The following FGR variants were observed in gnomAD, a reference collection of about 807,000 sequenced individuals.
The protein encoded by FGR is FGR proto-oncogene, Src family tyrosine kinase, also known as tyrosine-protein kinase Fgr.
FGR carries 26 observed loss-of-function variants against 63.2 expected under a neutral mutation model. That is an observed-to-expected ratio of 0.41 (90% CI 0.30 to 0.57). The LOEUF is 0.57. FGR is among the 20% of genes least tolerant of loss of function. The pLI is 0.27. For missense variants in FGR, 511 were observed against 690.8 expected (o/e 0.74, Z 2.92); for synonymous variants, 286 against 277.7 (o/e 1.03, Z -0.30).
intron 1 of FGR, among the ~76,000 whole-genome samples, chr1:27,633,112 T>A (rs1182814886): frequency 1.3e-5 from 2 of 151,826 alleles, no homozygotes; most frequent in Non-Finnish European, 2.9e-5. Flanking sequence ...GAGCACCTAC[T>A]CACTGGAACA....
In FGR at chr1:27,613,012, C is replaced by T. The variant is rs765797580; in HGVS notation, c.1492G>A (p.Asp498Asn). Residue 498 changes from aspartate (D) to asparagine (N), a missense_variant, in exon 13 of 13, where the codon GAC (aspartate) becomes AAC (asparagine). Coordinates refer to ENST00000374005, the MANE Select transcript of FGR (RefSeq NM_005248.3). ...TCGAAGGTAGGCCTCTCCTCCGGGT[C>T]CAGACGCCAGGTCTGTTCCATGGCC... ...YEAMEQTWRL[D>N]PEERPTFEYL... The T allele has an allele frequency of 6.2e-7, 1 of 1,614,226 alleles. No homozygotes were observed. The highest frequency in any genetic ancestry group is 1.7e-5 in the Admixed American group (1 of 60,028).
intron 1 of FGR, among the ~76,000 whole-genome samples, chr1:27,628,516 TACAC>T (rs56021900): frequency 0.11 from 9,881 of 91,098 alleles, 481 homozygotes; most frequent in Non-Finnish European, 0.12. Context: ...CATGTAGGGA[TACAC>T]ACACACACAC....
chr1:27,627,447 AACACACACACACAC>A (rs3076985), intron 1 of FGR, among the ~76,000 whole-genome samples: 1 of 148,394 alleles, frequency 6.7e-6, no homozygotes, highest in African/African-American at 2.5e-5. Flanking sequence ...CATGCACATG[AACACACACACACAC>A]ACACACACAC....
chr1:27,622,932 G>A, intron 4 of FGR, 110 bp downstream of exon 4: 1 of 758,416 alleles, frequency 1.3e-6, no homozygotes, highest in Non-Finnish European at 2.3e-6. Context: ...TTATGTATAT[G>A]TGTTCCCAAC....
chr1:27,623,021 C>CT (rs2089958524), intron 4 of FGR, 21 bp downstream of exon 4: 1 of 1,557,054 alleles, frequency 6.4e-7, no homozygotes, highest in South Asian at 1.1e-5. Flanking sequence ...AATGTTCTGA[C>CT]TAGGTGGCCT....
intron 11 of FGR, among the ~76,000 whole-genome samples, chr1:27,613,800 A>G (rs1571376481): frequency 6.6e-6 from 1 of 152,100 alleles, no homozygotes; most frequent in African/African-American, 2.4e-5. Flanking sequence ...AGTAGAAAGG[A>G]CATGGTATCT....
Position 27,615,568 on chromosome 1 carries a change from G to T in FGR, c.884C>A (p.Pro295Gln), listed in dbSNP as rs149452269. Residue 295 changes from proline to glutamine, a missense_variant, in exon 9 of 13, where the codon CCG becomes CAG. Transcript: ENST00000374005. This position sits in a 1 kb window ranked among gnomAD's most constrained non-coding sequence, Gnocchi z 7.6. Reference sequence around the variant, plus strand: ...GAAGGCCTTCGGGGACATGGTGCCCGGCTTCAGCGTCTTCACCGCCACCTT... The same window carrying T: ...GAAGGCCTTCGGGGACATGGTGCCCTGCTTCAGCGTCTTCACCGCCACCTT... ...STKVAVKTLK[P>Q]GTMSPKAFLE... 1 of 1,613,560 alleles carries T rather than the reference G, an allele frequency of 6.2e-7. No individual in the cohort carries two copies. Among genetic ancestry groups the T allele is most frequent in the South Asian group, 1.1e-5 (1 of 91,074 alleles).
chr1:27,614,091 G>C (rs2089751734), intron 11 of FGR, among the ~76,000 whole-genome samples: 1 of 152,240 alleles, frequency 6.6e-6, no homozygotes, highest in South Asian at 2.1e-4. Flanking sequence ...TCTGGCTACA[G>C]AATTCCCACT....
chr1:27,621,560 C>T lies in FGR; in HGVS notation c.427G>A (p.Glu143Lys), dbSNP rs779407504. 3 of 1,613,056 alleles carry T rather than the reference C, an allele frequency of 1.9e-6. No homozygotes were observed. The highest frequency in any genetic ancestry group is 2.5e-6 in the Non-Finnish European group (3 of 1,179,182). ...GGTCTTGCCCCAATCCCTACTTACT[C>T]TTCAGCTTGGATTGAGTCAACAGGG... ...VAPVDSIQAEEWYFGKIGRKD... is the reference protein window; with the variant it reads ...VAPVDSIQAEKWYFGKIGRKD... The change falls in exon 5 of 13, where the codon GAG (glutamate) becomes AAG (lysine). Residue 143 changes from glutamate (E) to lysine (K), a missense_variant and splice_region_variant. Coordinates refer to ENST00000374005, the MANE Select transcript of FGR (RefSeq NM_005248.3).
chr1:27,624,249 G>C (rs1005716765), intron 2 of FGR, among the ~76,000 whole-genome samples: 1 of 151,798 alleles, frequency 6.6e-6, no homozygotes, highest in Non-Finnish European at 1.5e-5. Context: ...TTTTTGTTTT[G>C]TTTTGAGACA....
intron 1 of FGR, among the ~76,000 whole-genome samples, chr1:27,630,117 A>G (rs2090084138): frequency 6.6e-6 from 1 of 152,108 alleles, no homozygotes; most frequent in African/African-American, 2.4e-5. Flanking sequence ...AAGTGGCACA[A>G]TCTTGGCTCA....
chr1:27,621,703 A>G, intron 4 of FGR, 46 bp from the exon 5 acceptor site: 1 of 1,463,630 alleles, frequency 6.8e-7, no homozygotes, highest in East Asian at 2.3e-5. Flanking sequence ...TCCAGCCCCC[A>G]AGGCACCCTG....
chr1:27,626,473 T>G, intron 1 of FGR: 3 of 319,706 alleles, frequency 9.4e-6, no homozygotes, highest in Non-Finnish European at 1.7e-5. Flanking sequence ...TTCCAGAAAG[T>G]CTTCCTGGAT....
intron 1 of FGR, among the ~76,000 whole-genome samples, chr1:27,627,528 C>T (rs1489756601): frequency 1.3e-5 from 2 of 152,248 alleles, no homozygotes; most frequent in South Asian, 2.1e-4. Context: ...TTACTATATG[C>T]GCTGGCCACT....
Position 27,616,766 on chromosome 1 carries a change from T to C in FGR, c.682+91A>G, listed in dbSNP as rs2089819595. 5 of 1,418,990 alleles carry C rather than the reference T, an allele frequency of 3.5e-6. No homozygotes were observed. Among genetic ancestry groups the C allele is most frequent in the African/African-American group, 1.4e-5 (1 of 71,272 alleles). The allele number at this position is 1,418,990 out of a possible 1,614,324, so 87.9% of individuals were successfully genotyped here. A position where few individuals can be genotyped will look rare whatever the true frequency, so the allele number is the denominator to read the frequency against. Reference sequence around the variant, plus strand: ...TGGTTTCCGTCTGGCCAATACTGCTTGGTAGTCCCTTCCCTTCTCTGGGCC... The same window carrying C: ...TGGTTTCCGTCTGGCCAATACTGCTCGGTAGTCCCTTCCCTTCTCTGGGCC... On this transcript the variant is annotated intron_variant, in intron 7 of 12. Transcript: ENST00000374005. The surrounding 1 kb of genome is among the most constrained non-coding windows in gnomAD (Gnocchi z 4.3).
chr1:27,617,235 G>C lies in FGR; in HGVS notation c.490C>G (p.Pro164Ala). The change falls in exon 6 of 13, where the codon CCC (proline) becomes GCC (alanine). Residue 164 changes from proline to alanine, a missense_variant. By Grantham distance (27) the Pro-to-Ala change is conservative. Coordinates refer to ENST00000374005, the MANE Select transcript of FGR (RefSeq NM_005248.3). This position sits in a 1 kb window ranked among gnomAD's most constrained non-coding sequence, Gnocchi z 4.5. ...AERQLLSPGN[P>A]QGAFLIRESE... ...TCCCGAATGAGAAAGGCCCCCTGGG[G>C]GTTGCCTGGTGAAAGCAGCTGCCTC... The C allele has an allele frequency of 6.2e-7, 1 of 1,614,174 alleles. No homozygotes were observed.
chr1:27,625,934 A>G, intron 1 of FGR: 1 of 394,844 alleles, frequency 2.5e-6, no homozygotes, highest in East Asian at 3.6e-5. Flanking sequence ...GCAAGACTCC[A>G]TCTCAAAAAC....
chr1:27,613,202 C>T lies in FGR; in HGVS notation c.1381+17G>A, dbSNP rs1346814229. 4 of 1,611,990 alleles carry T rather than the reference C, an allele frequency of 2.5e-6. No individual in the cohort carries two copies. Among genetic ancestry groups the T allele is most frequent in the Non-Finnish European group, 2.5e-6 (3 of 1,178,412 alleles). On this transcript the variant is annotated intron_variant, in intron 12 of 12. Coordinates refer to ENST00000374005, the MANE Select transcript of FGR (RefSeq NM_005248.3). ...GTGACCATCCCCCACCCCAGCCCTA[C>T]CCCTGGCGAGGCAAACCTGGGTAGG... is the stretch of plus-strand genomic sequence containing the variant.
In FGR at chr1:27,614,521, G is replaced by T. The variant is rs1319839464; in HGVS notation, c.1158C>A (p.Ala386=). Residue 386 remains alanine, a synonymous_variant, in exon 11 of 13, where the codon GCC becomes GCA. Coordinates refer to ENST00000374005, the MANE Select transcript of FGR (RefSeq NM_005248.3). ...CCAGCCGCTCCCCAACCAGGATGTTGGCTGCCCTCAGGTCGCGGTGAATGT... is the reference window on the plus strand; with the variant it reads ...CCAGCCGCTCCCCAACCAGGATGTTTGCTGCCCTCAGGTCGCGGTGAATGT... ...MNYIHRDLRA[A]NILVGERLAC... is the part of the protein sequence containing the mutation. The T allele has an allele frequency of 1.2e-6, 2 of 1,613,964 alleles. No individual in the cohort carries two copies. The highest frequency in any genetic ancestry group is 2.7e-5 in the African/African-American group (2 of 74,946).
Sources: gnomAD v4.1 joint callset for allele counts (sites outside exome capture counted in the v4.1 genomes callset) on GRCh38, gnomAD v4.1.1 for gene constraint, Gnocchi (gnomAD v3.1) non-coding constraint, MANE v1.5 for transcripts, NCBI Gene and HGNC (gene_info 2026-07-23, HGNC 2026-07-21) for gene names.